Variants in ENPP3 observed in about 807,000 individuals in gnomAD.
ENPP3 encodes ectonucleotide pyrophosphatase/phosphodiesterase family member 3.
A neutral mutation model predicts 117.8 loss-of-function variants in ENPP3; 104 were observed. The observed-to-expected ratio is 0.88, with a 90% CI of 0.75 to 1.04. ENPP3 has a LOEUF of 1.04. ENPP3 is among the 50% of genes least tolerant of loss of function. ENPP3 has a pLI of 0.00. For missense variants in ENPP3, 1,026 were observed against 1,051.9 expected (o/e 0.98, Z 0.34); for synonymous variants, 380 against 349.9 (o/e 1.09, Z -0.96).
chr6:131,664,244 G>A (rs1171626571), intron 6 of ENPP3, among the ~76,000 whole-genome samples: 2 of 152,128 alleles, frequency 1.3e-5, no homozygotes, highest in Non-Finnish European at 2.9e-5. Context: ...TGATGATCTT[G>A]ACCCCATGTA....
intron 23 of ENPP3, 90 bp downstream of exon 23, chr6:131,738,253 A>G: frequency 2.0e-6 from 2 of 987,760 alleles, no homozygotes; most frequent in Non-Finnish European, 3.1e-6. Context: ...TAAATATTAC[A>G]TAATACATTC....
intron 23 of ENPP3, among the ~76,000 whole-genome samples, chr6:131,738,376 T>G (rs757822940): frequency 3.1e-4 from 47 of 152,124 alleles, no homozygotes; most frequent in Non-Finnish European, 5.1e-4. Flanking sequence ...CCTGGAAAAG[T>G]TTAGCAAAAT....
chr6:131,689,266 A>G (rs1263973609), intron 14 of ENPP3, among the ~76,000 whole-genome samples: 3 of 152,216 alleles, frequency 2.0e-5, no homozygotes, highest in Non-Finnish European at 4.4e-5. Context: ...GATGCCATCT[A>G]GGACTTTCAT....
chr6:131,676,838 C>T (rs748593840), intron 10 of ENPP3, 37 bp downstream of exon 10: 1 of 1,307,744 alleles, frequency 7.6e-7, no homozygotes, highest in Non-Finnish European at 1.1e-6. Context: ...GGCATAGTGG[C>T]ATATATATGG....
At chr6:131,728,318 G>A (rs1780201011) in intron 20 of ENPP3, among the ~76,000 whole-genome samples, 1 of 152,118 alleles carries the variant, frequency 6.6e-6, no homozygotes, top group South Asian at 2.1e-4. Context: ...TATGTTTTTA[G>A]TACTTTTCCC....
intron 15 of ENPP3, among the ~76,000 whole-genome samples, chr6:131,696,893 C>G (rs1487966986): frequency 1.3e-5 from 2 of 151,872 alleles, no homozygotes; most frequent in Non-Finnish European, 2.9e-5. Flanking sequence ...CCTCAGCCTC[C>G]TGAGTAGCTG....
chr6:131,695,686 C>T (rs779429301), intron 15 of ENPP3, among the ~76,000 whole-genome samples: 20 of 152,062 alleles, frequency 1.3e-4, no homozygotes, highest in Non-Finnish European at 2.1e-4. Context: ...GAGGCTGAGG[C>T]GGGCAGATCA....
chr6:131,669,393 C>T (rs1486193704), intron 6 of ENPP3, among the ~76,000 whole-genome samples: 4 of 151,958 alleles, frequency 2.6e-5, no homozygotes, highest in African/African-American at 4.8e-5. Flanking sequence ...AAATTTTTAG[C>T]CAGGCACAGG....
At chr6:131,674,565 T>C (rs2053066991) in intron 8 of ENPP3, among the ~76,000 whole-genome samples, 1 of 151,784 alleles carries the variant, frequency 6.6e-6, no homozygotes, top group African/African-American at 2.4e-5. Flanking sequence ...TTTTGTTTTG[T>C]AAGTCTTTTT....
At chr6:131,648,723 C>T (rs1003069237) in intron 2 of ENPP3, among the ~76,000 whole-genome samples, 9 of 152,130 alleles carry the variant, frequency 5.9e-5, no homozygotes, top group African/African-American at 1.9e-4. Flanking sequence ...TGCCTTCAAA[C>T]GACTCCTTCA....
chr6:131,723,334 G>C (rs1398501309), intron 18 of ENPP3, among the ~76,000 whole-genome samples: 1 of 152,108 alleles, frequency 6.6e-6, no homozygotes, highest in African/African-American at 2.4e-5. Flanking sequence ...TCTCAATGAA[G>C]ATCAAATCCA....
chr6:131,697,061 C>T (rs111554749), intron 15 of ENPP3, among the ~76,000 whole-genome samples: 27 of 152,226 alleles, frequency 1.8e-4, no homozygotes, highest in African/African-American at 6.0e-4. Flanking sequence ...GCCACCGTGC[C>T]GGCCTGAGCA....
intron 14 of ENPP3, among the ~76,000 whole-genome samples, chr6:131,691,639 T>G (rs1158558840): frequency 6.6e-6 from 1 of 151,400 alleles, no homozygotes; most frequent in Non-Finnish European, 1.5e-5. Context: ...GTATCTCAAC[T>G]CTGTAGACTT....
intron 11 of ENPP3, among the ~76,000 whole-genome samples, chr6:131,678,360 A>C (rs993600713): frequency 2.6e-5 from 4 of 152,230 alleles, no homozygotes; most frequent in African/African-American, 9.7e-5. Flanking sequence ...GTTCCTTATA[A>C]TTGGATTTAA....
intron 24 of ENPP3, among the ~76,000 whole-genome samples, chr6:131,744,830 CACACAT>C: frequency 6.6e-6 from 1 of 151,968 alleles, no homozygotes; most frequent in Middle Eastern, 3.4e-3. Flanking sequence ...CACACACACA[CACACAT>C]ATAAATATCA....
chr6:131,702,360 G>A (rs573304719), intron 15 of ENPP3, among the ~76,000 whole-genome samples: 3 of 148,772 alleles, frequency 2.0e-5, no homozygotes, highest in Non-Finnish European at 4.4e-5. Flanking sequence ...CACCTCCACA[G>A]CATATATCTC....
chr6:131,664,332 C>A (rs1778570579), intron 6 of ENPP3, among the ~76,000 whole-genome samples: 2 of 151,896 alleles, frequency 1.3e-5, no homozygotes, highest in Non-Finnish European at 2.9e-5. Context: ...AATTAAAAAA[C>A]AAAAGCTTAT....
At chr6:131,745,264 ATT>A (rs34273961) in intron 24 of ENPP3, among the ~76,000 whole-genome samples, 13 of 146,294 alleles carry the variant, frequency 8.9e-5, no homozygotes, top group South Asian at 2.2e-4. Context: ...AACATGGCGC[ATT>A]TTTTTTTTTT....
At chr6:131,683,873 C>G (rs766993148) in intron 12 of ENPP3, among the ~76,000 whole-genome samples, 3 of 151,560 alleles carry the variant, frequency 2.0e-5, no homozygotes, top group Non-Finnish European at 4.4e-5. Flanking sequence ...GCCTCAACCT[C>G]TTGAGTAGCT....
Sources: gnomAD v4.1 joint callset for allele counts (sites outside exome capture counted in the v4.1 genomes callset) on GRCh38, gnomAD v4.1.1 for gene constraint, MANE v1.5 for transcripts, NCBI Gene and HGNC (gene_info 2026-07-23, HGNC 2026-07-21) for gene names.